Variants in ZHX3 observed in about 807,000 individuals in gnomAD.
ZHX3 encodes the protein zinc fingers and homeoboxes 3.
In ZHX3, 20 loss-of-function variants were observed where a neutral mutation model predicts 64.5. The observed-to-expected ratio is 0.31, with a 90% CI of 0.22 to 0.45. The LOEUF (loss-of-function observed/expected upper bound fraction) is 0.45. Among genes scored for constraint, ZHX3 ranks in the 20% least tolerant of loss-of-function variants. The pLI is 1.00. For missense variants in ZHX3, 1,041 were observed against 1,195.8 expected, an observed-to-expected ratio of 0.87 and a Z score of 1.91; for synonymous variants, 423 against 461.6, an observed-to-expected ratio of 0.92 and a Z score of 1.07.
intron 1 of ZHX3, among the ~76,000 whole-genome samples, chr20:41,315,460 T>A (rs1470575995): frequency 6.6e-6 from 1 of 150,954 alleles, no homozygotes; most frequent in Non-Finnish European, 1.5e-5. Flanking sequence ...CCCAAAGTGC[T>A]GTGATTACAA....
rs538557487 is a variant in ZHX3, at chr20:41,205,908, C to G, written c.-150-842G>C. Among the ~76,000 whole-genome samples, 251 of 152,366 alleles carry G rather than the reference C, an allele frequency of 1.6e-3. 1 individual carries two copies. Among genetic ancestry groups the G allele is most frequent in the African/African-American group, 5.7e-3 (236 of 41,576 alleles). On this transcript the variant is annotated intron_variant, in intron 2 of 3. Transcript: ENST00000683867. ...GGAGGCACCTCCCAGTAGGGGCCGA[C>G]TGACACCTCATACAGCTGGGTGCCC... is the stretch of plus-strand genomic sequence containing the variant.
At chr20:41,196,402 T>TA (rs1555826531) in intron 3 of ZHX3, among the ~76,000 whole-genome samples, 1 of 54,214 alleles carries the variant, frequency 1.8e-5, no homozygotes, top group African/African-American at 7.2e-5. Flanking sequence ...TTTATATATA[T>TA]TATATATTAT....
intron 1 of ZHX3, among the ~76,000 whole-genome samples, chr20:41,306,535 A>G (rs2044984221): frequency 6.6e-6 from 1 of 152,258 alleles, no homozygotes; most frequent in South Asian, 2.1e-4. Flanking sequence ...TGAGTACCAC[A>G]GAAGACCATG....
chr20:41,260,108 A>G (rs2042478477), intron 2 of ZHX3, among the ~76,000 whole-genome samples: 2 of 152,126 alleles, frequency 1.3e-5, no homozygotes, highest in South Asian at 4.1e-4. Context: ...ACTCATTTCT[A>G]ATAAAAATAC....
At chr20:41,238,276 G>C (rs2041147127) in intron 2 of ZHX3, among the ~76,000 whole-genome samples, 1 of 152,080 alleles carries the variant, frequency 6.6e-6, no homozygotes, top group African/African-American at 2.4e-5. Context: ...GCTTAACATA[G>C]GCATCCAAAT....
chr20:41,307,257 G>C (rs1204574693), intron 1 of ZHX3, among the ~76,000 whole-genome samples: 1 of 152,130 alleles, frequency 6.6e-6, no homozygotes, highest in East Asian at 1.9e-4. Context: ...ACCCCACAGG[G>C]ATCTACCGAC....
chr20:41,220,088 A>G (rs1209513010), intron 2 of ZHX3, among the ~76,000 whole-genome samples: 1 of 152,234 alleles, frequency 6.6e-6, no homozygotes, highest in Non-Finnish European at 1.5e-5. Flanking sequence ...AATGATCAAC[A>G]AAGTCATCAA....
chr20:41,315,269 G>A (rs147654970), intron 1 of ZHX3, among the ~76,000 whole-genome samples: 5 of 149,896 alleles, frequency 3.3e-5, no homozygotes, highest in Admixed American at 1.3e-4. Context: ...TGCAACCTCC[G>A]CATCCCGGGT....
intron 1 of ZHX3, among the ~76,000 whole-genome samples, chr20:41,293,445 C>G (rs1375640459): frequency 6.6e-6 from 1 of 152,026 alleles, no homozygotes; most frequent in Non-Finnish European, 1.5e-5. Flanking sequence ...CATCAAATCC[C>G]AAGTAACACT....
Position 41,203,468 on chromosome 20 carries a change from G to A in ZHX3, c.1449C>T (p.Cys483=). ...GGAAGGCTTGGGAGGTTATGCTGGGGCAGGCCGTGAGGAGCGACTGGGCCG... is the reference window on the plus strand; with the variant it reads ...GGAAGGCTTGGGAGGTTATGCTGGGACAGGCCGTGAGGAGCGACTGGGCCG... ...VNAAQSLLTA[C]PSITSQAFLD... The change falls in exon 3 of 4, where the codon TGC becomes TGT. Residue 483 remains cysteine (C), a synonymous_variant. Coordinates refer to ENST00000683867, the MANE Select transcript of ZHX3 (RefSeq NM_001384317.1). The surrounding 1 kb of genome is among the most constrained non-coding windows in gnomAD (Gnocchi z 7.1). 2 of 1,614,170 alleles carry A rather than the reference G, an allele frequency of 1.2e-6. No individual in the cohort carries two copies. The highest frequency in any genetic ancestry group is 1.7e-5 in the Admixed American group (1 of 60,024).
intron 2 of ZHX3, among the ~76,000 whole-genome samples, chr20:41,256,521 A>T (rs1039308626): frequency 7.9e-5 from 12 of 151,678 alleles, no homozygotes; most frequent in African/African-American, 2.9e-4. Flanking sequence ...CTATTCCCGT[A>T]ATTTACCCAG....
At position 41,203,085 on chromosome 20, in the gene ZHX3, A is replaced by AC; in HGVS notation, c.1831_1832insG (p.Phe611CysfsTer12). The stretch of plus-strand genomic sequence containing the variant: ...TCTCTCCTTGTATTTGGTTGGTGTG[A>AC]AGTCAGGAGTCTGGTGCCAAGATTG... On this transcript the variant is annotated frameshift_variant, in exon 3 of 4. Coordinates refer to ENST00000683867, the MANE Select transcript of ZHX3 (RefSeq NM_001384317.1). LOFTEE classifies it high-confidence loss of function. The surrounding 1 kb of genome is among the most constrained non-coding windows in gnomAD (Gnocchi z 7.1). The AC allele has an allele frequency of 6.2e-7, 1 of 1,614,014 alleles. No individual in the cohort carries two copies. Among genetic ancestry groups the AC allele is most frequent in the Non-Finnish European group, 8.5e-7 (1 of 1,179,994 alleles).
At chr20:41,288,956 C>CA (rs11481680) in intron 1 of ZHX3, among the ~76,000 whole-genome samples, 27,760 of 152,120 alleles carry the variant, frequency 0.18, 4,221 homozygotes, top group African/African-American at 0.42. Flanking sequence ...GAAGAATCAG[C>CA]CAGTTTTAGA....
intron 1 of ZHX3, among the ~76,000 whole-genome samples, chr20:41,297,370 G>C (rs1322672058): frequency 1.3e-5 from 2 of 152,192 alleles, no homozygotes; most frequent in African/African-American, 2.4e-5. Flanking sequence ...GAATTGACAA[G>C]AAGTTCTAGG....
At chr20:41,301,392 T>C (rs1359398738) in intron 1 of ZHX3, among the ~76,000 whole-genome samples, 1 of 152,182 alleles carries the variant, frequency 6.6e-6, no homozygotes, top group African/African-American at 2.4e-5. Flanking sequence ...AGAATCTTAA[T>C]GCCTTGCTAT....
chr20:41,193,891 G>T (rs577964166), intron 3 of ZHX3, among the ~76,000 whole-genome samples: 2 of 151,852 alleles, frequency 1.3e-5, no homozygotes. Context: ...TAGTAGAGAC[G>T]GGGTTTCATC....
chr20:41,207,511 A>G (rs1175074375), intron 2 of ZHX3, among the ~76,000 whole-genome samples: 2 of 152,230 alleles, frequency 1.3e-5, no homozygotes, highest in African/African-American at 4.8e-5. Flanking sequence ...ACCACAGTGC[A>G]ATCAAACTAG....
intron 2 of ZHX3, among the ~76,000 whole-genome samples, chr20:41,261,886 C>A (rs1300805154): frequency 6.6e-6 from 1 of 152,152 alleles, no homozygotes; most frequent in Non-Finnish European, 1.5e-5. Context: ...TTTTCCTAGA[C>A]ATTCAACAAG....
intron 3 of ZHX3, among the ~76,000 whole-genome samples, chr20:41,196,379 AC>A (rs2037511525): frequency 1.5e-5 from 1 of 68,840 alleles, no homozygotes; most frequent in African/African-American, 7.9e-5. Context: ...TATTTATATA[AC>A]ATAAATATAT....
Sources: allele counts gnomAD v4.1 joint callset (sites outside exome capture counted in the v4.1 genomes callset), GRCh38; gene constraint gnomAD v4.1.1; non-coding constraint Gnocchi (gnomAD v3.1); transcripts MANE v1.5; gene names NCBI Gene and HGNC (gene_info 2026-07-23, HGNC 2026-07-21).